The following RBFOX1 variants were observed in gnomAD, a reference collection of about 807,000 sequenced individuals.
The protein encoded by RBFOX1 is RNA binding protein fox-1 homolog 1.
In RBFOX1, 8 loss-of-function variants were observed where a neutral mutation model predicts 57.7. The ratio of observed to expected loss-of-function variants is 0.14; its 90% CI spans 0.08 to 0.25. The LOEUF is 0.25. Ranked by LOEUF, RBFOX1 falls within the 10% of genes least tolerant of loss-of-function variation. The pLI is 1.00. For synonymous variants in RBFOX1, 326 were observed against 222.4 expected (o/e 1.47, Z -4.15); for missense variants, 611 against 548.5 (o/e 1.11, Z -1.14).
chr16:7,697,515 ACATG>A (rs60824528), intron 14 of RBFOX1, among the ~76,000 whole-genome samples: 95,135 of 151,482 alleles, frequency 0.63, 30,002 homozygotes, highest in South Asian at 0.72. Flanking sequence ...TGATATACAT[ACATG>A]CATGTATATG....
intron 3 of RBFOX1, among the ~76,000 whole-genome samples, chr16:6,712,742 C>T (rs899450415): frequency 5.3e-5 from 8 of 152,134 alleles, no homozygotes; most frequent in African/African-American, 1.7e-4. Flanking sequence ...TATCACCTGG[C>T]AGCTGGACTA....
At chr16:6,532,414 C>G (rs758225844) in intron 2 of RBFOX1, among the ~76,000 whole-genome samples, 1 of 152,136 alleles carries the variant, frequency 6.6e-6, no homozygotes, top group Non-Finnish European at 1.5e-5. Context: ...CAGGGTGGCC[C>G]TCAGAGACCA....
intron 2 of RBFOX1, among the ~76,000 whole-genome samples, chr16:6,395,855 C>T (rs889616953): frequency 4.6e-5 from 7 of 151,924 alleles, no homozygotes; most frequent in Non-Finnish European, 1.5e-5. Flanking sequence ...TGCCTGAGCT[C>T]AGGAGTTCAT....
intron 4 of RBFOX1, among the ~76,000 whole-genome samples, chr16:7,062,264 G>C (rs551326397): frequency 2.8e-4 from 39 of 137,048 alleles, no homozygotes; most frequent in African/African-American, 1.0e-3. Flanking sequence ...GTTGCAGTGA[G>C]CCGAGATCAT....
intron 4 of RBFOX1, among the ~76,000 whole-genome samples, chr16:7,256,739 G>A (rs1386257410): frequency 3.3e-5 from 5 of 152,068 alleles, no homozygotes; most frequent in African/African-American, 4.8e-5. Flanking sequence ...GTTCACTGGT[G>A]CCAAATGTCA....
At chr16:5,773,873 T>G (rs1460573516) in intron 3 of RBFOX1, among the ~76,000 whole-genome samples, 3 of 152,084 alleles carry the variant, frequency 2.0e-5, no homozygotes, top group Non-Finnish European at 2.9e-5. Context: ...AATTTTTGTA[T>G]TTTTAGGAGA....
At chr16:7,175,759 A>C (rs932091659) in intron 4 of RBFOX1, among the ~76,000 whole-genome samples, 1 of 152,094 alleles carries the variant, frequency 6.6e-6, no homozygotes, top group Non-Finnish European at 1.5e-5. Context: ...TTTTTGATAA[A>C]ATGTCTTCCT....
At chr16:7,317,343 A>G (rs868469768) in intron 4 of RBFOX1, among the ~76,000 whole-genome samples, 1 of 152,162 alleles carries the variant, frequency 6.6e-6, no homozygotes. Context: ...ATGCAGCTTC[A>G]TGGAAGTGAG....
intron 12 of RBFOX1, among the ~76,000 whole-genome samples, chr16:7,655,990 T>A (rs1388391265): frequency 6.6e-6 from 1 of 150,486 alleles, no homozygotes; most frequent in Non-Finnish European, 1.5e-5. Flanking sequence ...CATTTCCAAA[T>A]GATGAAACAA....
intron 3 of RBFOX1, among the ~76,000 whole-genome samples, chr16:6,745,801 A>T (rs2073456805): frequency 6.6e-6 from 1 of 152,206 alleles, no homozygotes. Context: ...GAGCAAGAAA[A>T]GGAGGTAAAA....
chr16:6,119,938 T>C (rs1435494355), intron 1 of RBFOX1, among the ~76,000 whole-genome samples: 3 of 152,244 alleles, frequency 2.0e-5, no homozygotes, highest in African/African-American at 4.8e-5. Flanking sequence ...GTCACTCTTA[T>C]TCCTTCTCCT....
intron 4 of RBFOX1, among the ~76,000 whole-genome samples, chr16:7,073,429 G>A (rs114102908): frequency 0.019 from 2,900 of 152,160 alleles, 90 homozygotes; most frequent in African/African-American, 0.065. Context: ...TTAGCCGAGC[G>A]CTGCCAGAAC....
At chr16:6,417,330 C>A (rs2093650955) in intron 2 of RBFOX1, among the ~76,000 whole-genome samples, 1 of 150,118 alleles carries the variant, frequency 6.7e-6, no homozygotes, top group African/African-American at 2.4e-5. Flanking sequence ...CTTTCTTTCC[C>A]TTTCCATCGG....
At chr16:7,617,694 G>T (rs79442507) in intron 10 of RBFOX1, among the ~76,000 whole-genome samples, 13 of 152,078 alleles carry the variant, frequency 8.5e-5, no homozygotes, top group Admixed American at 2.6e-4. Context: ...AGTATCGGGC[G>T]CTAGACACTG....
chr16:6,926,004 A>G lies in RBFOX1; in HGVS notation c.-15-126053A>G, dbSNP rs898888600. Among the ~76,000 whole-genome samples, 10 of 152,168 alleles carry G rather than the reference A, an allele frequency of 6.6e-5. No homozygotes were observed. The East Asian group carries it at 1.2e-3, about 18-fold the overall frequency. On this transcript the variant is annotated intron_variant, in intron 3 of 15. Transcript: ENST00000550418. ...CATGTCAACCGTCAGATCTCTGTCT[A>G]TGCTCAAAAACCTCAACTTGCTGGC... is the stretch of plus-strand genomic sequence containing the variant.
At chr16:7,639,223 G>T (rs755665751) in intron 11 of RBFOX1, among the ~76,000 whole-genome samples, 2 of 152,132 alleles carry the variant, frequency 1.3e-5, no homozygotes, top group African/African-American at 2.4e-5. Context: ...AGACTCCATT[G>T]TCTTACCCAG....
intron 2 of RBFOX1, among the ~76,000 whole-genome samples, chr16:5,567,042 T>G (rs2046097623): frequency 6.6e-6 from 1 of 152,240 alleles, no homozygotes; most frequent in East Asian, 1.9e-4. Flanking sequence ...TTGGTTTTTC[T>G]GCCTCAGGTC....
At chr16:6,948,257 C>G (rs943826867) in intron 3 of RBFOX1, among the ~76,000 whole-genome samples, 15 of 151,340 alleles carry the variant, frequency 9.9e-5, no homozygotes, top group African/African-American at 3.4e-4. Context: ...TATTATGAGA[C>G]CATATCTGAA....
intron 3 of RBFOX1, among the ~76,000 whole-genome samples, chr16:6,778,199 C>T (rs1285118949): frequency 6.6e-6 from 1 of 152,104 alleles, no homozygotes. Flanking sequence ...ACAATTCAGT[C>T]TCCCTGGTCA....
Sources: gnomAD v4.1 joint callset for allele counts (sites outside exome capture counted in the v4.1 genomes callset) on GRCh38, gnomAD v4.1.1 for gene constraint, MANE v1.5 for transcripts, NCBI Gene and HGNC (gene_info 2026-07-23, HGNC 2026-07-21) for gene names.